Variants in ODAD2 observed in about 807,000 individuals in gnomAD.
The protein encoded by ODAD2 is outer dynein arm docking complex subunit 2.
ODAD2 carries 89 observed loss-of-function variants against 106.8 expected under a neutral mutation model. That is an observed-to-expected ratio of 0.83 (90% confidence interval 0.70 to 0.99). The LOEUF (loss-of-function observed/expected upper bound fraction) is 0.99. Among genes scored for constraint, ODAD2 ranks in the 50% least tolerant of loss-of-function variants. The pLI is 0.00. For synonymous variants in ODAD2, 404 were observed against 436.2 expected (o/e 0.93, Z 0.92); for missense variants, 1,168 against 1,238.5 (o/e 0.94, Z 0.85).
At chr10:27,998,324 C>T (rs1850676916) in intron 1 of ODAD2, among the ~76,000 whole-genome samples, 1 of 152,124 alleles carries the variant, frequency 6.6e-6, no homozygotes, top group Non-Finnish European at 1.5e-5. Context: ...GGGATGACGG[C>T]CCCCACCAGA....
At position 27,908,762 on chromosome 10, in the gene ODAD2, G is replaced by GA. The variant is rs1843775506; in HGVS notation, c.2496-986_2496-985insT. 2.8e-5 allele frequency among the ~76,000 whole-genome samples: 3 copies of GA among 105,552 alleles called. No homozygotes were observed. The Admixed American group carries it at 3.0e-4, about 11-fold the overall frequency. The allele number at this position is 105,552 out of a possible 152,430, so 69.2% of individuals were successfully genotyped here. ...TTATCTTAGATGAGTTTACCAGGGG[G>GA]GAAAAATGTATTATTCCAAAGTTTT... On this transcript the variant is annotated intron_variant, in intron 16 of 19. Coordinates refer to ENST00000305242, the MANE Select transcript of ODAD2 (RefSeq NM_018076.5).
intron 19 of ODAD2, among the ~76,000 whole-genome samples, chr10:27,831,181 G>A (rs758724561): frequency 2.0e-4 from 30 of 152,120 alleles, no homozygotes; most frequent in African/African-American, 7.2e-4. Context: ...ATGCTACCTC[G>A]GCCTGCAACA....
chr10:27,881,338 A>T (rs1045838253), intron 17 of ODAD2, among the ~76,000 whole-genome samples: 1 of 152,114 alleles, frequency 6.6e-6, no homozygotes, highest in Non-Finnish European at 1.5e-5. Context: ...TGTACTGTAT[A>T]TTCAATGCCA....
intron 16 of ODAD2, among the ~76,000 whole-genome samples, chr10:27,918,291 G>A (rs542962467): frequency 1.3e-5 from 2 of 151,852 alleles, no homozygotes; most frequent in Admixed American, 6.6e-5. Context: ...CAACATGAAC[G>A]CAAGAATGCA....
chr10:27,909,726 G>A (rs2040081673), intron 16 of ODAD2, among the ~76,000 whole-genome samples: 2 of 147,410 alleles, frequency 1.4e-5, no homozygotes, highest in African/African-American at 5.0e-5. Flanking sequence ...GCTGAGGCAG[G>A]AGAGTCGCTT....
intron 10 of ODAD2, among the ~76,000 whole-genome samples, chr10:27,948,229 T>C (rs1463194740): frequency 6.7e-6 from 1 of 148,188 alleles, no homozygotes; most frequent in Non-Finnish European, 1.5e-5. Context: ...TCTGGAAACA[T>C]ATTCATAGGC....
intron 17 of ODAD2, among the ~76,000 whole-genome samples, chr10:27,879,098 A>G (rs945198572): frequency 6.6e-6 from 1 of 152,110 alleles, no homozygotes; most frequent in Non-Finnish European, 1.5e-5. Context: ...AATAAATGGA[A>G]TGGTTGATTT....
intron 10 of ODAD2, among the ~76,000 whole-genome samples, chr10:27,955,602 T>A (rs1847667026): frequency 6.6e-6 from 1 of 152,026 alleles, no homozygotes; most frequent in Non-Finnish European, 1.5e-5. Context: ...AGGAATTTAA[T>A]TAACTGTAAT....
intron 2 of ODAD2, among the ~76,000 whole-genome samples, chr10:27,991,057 T>C (rs530841530): frequency 6.6e-6 from 1 of 152,364 alleles, no homozygotes; most frequent in South Asian, 2.1e-4. Flanking sequence ...TCAAAGTGCC[T>C]TGGTTCTATG....
chr10:27,988,604 C>A (rs187447905), intron 2 of ODAD2, among the ~76,000 whole-genome samples: 220 of 152,190 alleles, frequency 1.4e-3, no homozygotes, highest in African/African-American at 4.9e-3. Flanking sequence ...TCCCAAAGTA[C>A]TGGGATTACA....
chr10:27,943,022 C>T (rs1846566363), intron 12 of ODAD2, among the ~76,000 whole-genome samples: 1 of 152,164 alleles, frequency 6.6e-6, no homozygotes, highest in Non-Finnish European at 1.5e-5. Context: ...GGGTAAGGTA[C>T]TGGGCTAAGT....
intron 16 of ODAD2, among the ~76,000 whole-genome samples, chr10:27,934,266 T>TA (rs1845809008): frequency 6.6e-6 from 1 of 152,010 alleles, no homozygotes; most frequent in Non-Finnish European, 1.5e-5. Flanking sequence ...GAAAATGGAC[T>TA]AATACGCTTA....
chr10:27,937,347 T>TC (rs1846064548), intron 14 of ODAD2, among the ~76,000 whole-genome samples: 1 of 150,022 alleles, frequency 6.7e-6, no homozygotes, highest in African/African-American at 2.4e-5. Flanking sequence ...TTCTTTTTTT[T>TC]TTTTTTTTGA....
chr10:27,842,530 A>C (rs1838386308), intron 19 of ODAD2, among the ~76,000 whole-genome samples: 1 of 152,232 alleles, frequency 6.6e-6, no homozygotes, highest in Admixed American at 6.5e-5. Flanking sequence ...TATTTTTCAC[A>C]AATAGTTATC....
intron 19 of ODAD2, among the ~76,000 whole-genome samples, chr10:27,834,333 G>A (rs747716966): frequency 1.1e-4 from 17 of 152,124 alleles, no homozygotes; most frequent in Non-Finnish European, 1.6e-4. Context: ...TGCTCCAAAG[G>A]CGCTATCCCT....
rs1345055689 is a variant in ODAD2, at chr10:27,964,177, G to A, written c.1239-2462C>T. ...GCAGAGGTTGCAATGAGGCAAGATC[G>A]TGCTACTGCACTCCAGCCTGGATGA... On this transcript the variant is annotated intron_variant, in intron 9 of 19. Coordinates refer to ENST00000305242, the MANE Select transcript of ODAD2 (RefSeq NM_018076.5). Among the ~76,000 whole-genome samples the A allele has an allele frequency of 2.0e-5, 3 of 152,166 alleles. No individual in the cohort carries two copies. The South Asian group carries it at 6.2e-4, about 32-fold the overall frequency.
At chr10:27,918,030 C>A in intron 16 of ODAD2, among the ~76,000 whole-genome samples, 1 of 151,208 alleles carries the variant, frequency 6.6e-6, no homozygotes, top group African/African-American at 2.4e-5. Flanking sequence ...TTTTAAAAAC[C>A]AATTAAAAAG....
chr10:27,844,116 T>A (rs894503040), intron 19 of ODAD2, among the ~76,000 whole-genome samples: 1 of 152,126 alleles, frequency 6.6e-6, no homozygotes, highest in Non-Finnish European at 1.5e-5. Flanking sequence ...ACAGACCACT[T>A]GACAGGAGTT....
chr10:27,996,416 A>G (rs949809271), intron 1 of ODAD2, among the ~76,000 whole-genome samples: 1 of 152,168 alleles, frequency 6.6e-6, no homozygotes, highest in Non-Finnish European at 1.5e-5. Context: ...AAGAGTATAG[A>G]AATATTATAG....
Sources: gnomAD v4.1 joint callset for allele counts (sites outside exome capture counted in the v4.1 genomes callset) on GRCh38, gnomAD v4.1.1 for gene constraint, MANE v1.5 for transcripts, NCBI Gene and HGNC (gene_info 2026-07-23, HGNC 2026-07-21) for gene names.